Variants in BRAF observed in about 807,000 individuals in gnomAD.
BRAF encodes the protein serine/threonine-protein kinase B-raf.
BRAF carries 16 observed loss-of-function variants against 104.6 expected under a neutral mutation model. The observed-to-expected ratio is 0.15, with a 90% CI of 0.10 to 0.23. BRAF has a LOEUF of 0.23. Among genes scored for constraint, BRAF ranks in the 10% least tolerant of loss-of-function variants. BRAF has a pLI of 1.00. For missense variants in BRAF, 541 were observed against 937.3 expected (o/e 0.58, Z 5.52); for synonymous variants, 310 against 341.6 (o/e 0.91, Z 1.02).
intron 1 of BRAF, among the ~76,000 whole-genome samples, chr7:140,882,933 G>A (rs1338017519): frequency 6.6e-6 from 1 of 151,862 alleles, no homozygotes; most frequent in African/African-American, 2.4e-5. Flanking sequence ...GGCGGAGGCT[G>A]CAGTGAGCCA....
intron 19 of BRAF, chr7:140,731,070 G>A (rs1795921999): frequency 6.6e-6 from 1 of 152,128 alleles, no homozygotes; most frequent in Non-Finnish European, 1.5e-5. Flanking sequence ...AGGCTGGAGT[G>A]CAGTGGCATG....
chr7:140,898,739 T>A (rs892023355), intron 1 of BRAF, among the ~76,000 whole-genome samples: 2 of 152,234 alleles, frequency 1.3e-5, no homozygotes, highest in African/African-American at 4.8e-5. Flanking sequence ...CACTCACTTT[T>A]ATCATCATTA....
chr7:140,804,575 A>G (rs1803467539), intron 5 of BRAF, among the ~76,000 whole-genome samples: 1 of 151,928 alleles, frequency 6.6e-6, no homozygotes, highest in South Asian at 2.1e-4. Flanking sequence ...TGCCCACCTT[A>G]GCCTCCCAAA....
chr7:140,877,821 T>C (rs938111428), intron 1 of BRAF, among the ~76,000 whole-genome samples: 1 of 152,096 alleles, frequency 6.6e-6, no homozygotes, highest in Non-Finnish European at 1.5e-5. Context: ...TCTGAAGATA[T>C]CTTTTATATT....
intron 3 of BRAF, among the ~76,000 whole-genome samples, chr7:140,811,206 CTG>C (rs940658180): frequency 1.3e-5 from 2 of 152,154 alleles, no homozygotes; most frequent in African/African-American, 4.8e-5. Flanking sequence ...AGGAACCTAA[CTG>C]TATTTTAAAT....
At chr7:140,901,884 A>T (rs1297415069) in intron 1 of BRAF, among the ~76,000 whole-genome samples, 1 of 152,152 alleles carries the variant, frequency 6.6e-6, no homozygotes, top group Admixed American at 6.5e-5. Context: ...CTACCACTTA[A>T]CTGTAAGCTC....
At position 140,781,670 on chromosome 7, in the gene BRAF, C is replaced by T. The variant is rs765215499; in HGVS notation, c.1458G>A (p.Ser486=). 15 of 1,613,850 alleles carry T rather than the reference C, an allele frequency of 9.3e-6. No individual in the cohort carries two copies. The highest frequency in any genetic ancestry group is 5.0e-5 in the Admixed American group (3 of 59,976). ...NRMKTLGRRD[S]SDDWEIPDGQ... is the part of the protein sequence containing the mutation. ...CATCAGGAATCTCCCAATCATCACTCGAGTCCCGTCTACCAAGTGTTTTCT... is the reference window on the plus strand; with the variant it reads ...CATCAGGAATCTCCCAATCATCACTTGAGTCCCGTCTACCAAGTGTTTTCT... The change falls in exon 12 of 20, where the codon TCG becomes TCA. Residue 486 remains serine, a synonymous_variant. Coordinates refer to ENST00000644969, the MANE Select transcript of BRAF (RefSeq NM_001374258.1).
intron 1 of BRAF, among the ~76,000 whole-genome samples, chr7:140,890,458 A>G (rs1814093890): frequency 6.6e-6 from 1 of 152,160 alleles, no homozygotes. Flanking sequence ...ACAAATTCCT[A>G]TAGCCCTCAG....
At position 140,721,107 on chromosome 7, in the gene BRAF, A is replaced by G. The variant is rs767575522; in HGVS notation, c.*5387T>C. The stretch of plus-strand genomic sequence containing the variant: ...AAATGCACCTCTAAAAAATGGATAC[A>G]CTGGCTTACATTGGCTGTGTCCTCA... On this transcript the variant is annotated 3_prime_UTR_variant, in exon 20 of 20. Transcript: ENST00000644969. 450 of 1,064,692 alleles carry G rather than the reference A, an allele frequency of 4.2e-4. No individual in the cohort carries two copies. Among genetic ancestry groups the G allele is most frequent in the Non-Finnish European group, 4.8e-4 (426 of 879,036 alleles). 66.0% of individuals were successfully genotyped at this position (1,064,692 alleles called of 1,614,324 possible).
chr7:140,841,636 CA>C (rs1476984789), intron 2 of BRAF, among the ~76,000 whole-genome samples: 1 of 152,098 alleles, frequency 6.6e-6, no homozygotes, highest in Non-Finnish European at 1.5e-5. Flanking sequence ...CAGCCAGTCA[CA>C]AAAGGCCACA....
chr7:140,884,662 G>A (rs1318244714), intron 1 of BRAF, among the ~76,000 whole-genome samples: 4 of 151,624 alleles, frequency 2.6e-5, no homozygotes, highest in Non-Finnish European at 5.9e-5. Flanking sequence ...AAATTTTTTT[G>A]TAGAGATAGG....
intron 1 of BRAF, among the ~76,000 whole-genome samples, chr7:140,912,248 T>C (rs1195092574): frequency 6.6e-6 from 1 of 152,054 alleles, no homozygotes; most frequent in Non-Finnish European, 1.5e-5. Flanking sequence ...ATATCCCCAA[T>C]CCTCATTCTC....
intron 1 of BRAF, among the ~76,000 whole-genome samples, chr7:140,892,240 A>T (rs1427694926): frequency 6.6e-6 from 1 of 151,992 alleles, no homozygotes; most frequent in Non-Finnish European, 1.5e-5. Context: ...TGGGTGAGAG[A>T]GCGAGAATCT....
At chr7:140,754,077 C>T in intron 15 of BRAF, 110 bp downstream of exon 14, 1 of 1,107,402 alleles carries the variant, frequency 9.0e-7, no homozygotes, top group Non-Finnish European at 1.4e-6. Context: ...ATTCTCTTTA[C>T]AGTATATCGA....
rs1795506127 is a variant in BRAF at position 140,724,717 on chromosome 7, A to T, written c.*1777T>A. 9.7e-7 allele frequency: 1 copy of T among 1,032,946 alleles called. No homozygotes were observed. The highest frequency in any genetic ancestry group is 4.6e-5 in the South Asian group (1 of 21,708). The allele number at this position is 1,032,946 out of a possible 1,614,324, so 64.0% of individuals were successfully genotyped here. A position where few individuals can be genotyped will look rare whatever the true frequency, so the allele number is the denominator to read the frequency against. ...TTACAATCTGAAATTTTTAAATAAC[A>T]ATTTCTAATTCCTTGATTTATTCTG... On this transcript the variant is annotated 3_prime_UTR_variant, in exon 20 of 20. Coordinates refer to ENST00000644969, the MANE Select transcript of BRAF (RefSeq NM_001374258.1).
chr7:140,907,847 T>C lies in BRAF; in HGVS notation c.138+16719A>G, dbSNP rs548782605. On this transcript the variant is annotated intron_variant, in intron 1 of 19. Coordinates refer to ENST00000644969, the MANE Select transcript of BRAF (RefSeq NM_001374258.1). ...ACAATCTCCACCTCCCAGGTTCAAG[T>C]GATTCTCCCACCTCAGCCTCCTGAG... 1.1e-4 allele frequency among the ~76,000 whole-genome samples: 16 copies of C among 152,010 alleles called. No individual in the cohort carries two copies. The East Asian group carries it at 1.5e-3, about 15-fold the overall frequency.
intron 3 of BRAF, among the ~76,000 whole-genome samples, chr7:140,810,782 G>A (rs1804178186): frequency 6.6e-6 from 1 of 152,172 alleles, no homozygotes; most frequent in Non-Finnish European, 1.5e-5. Flanking sequence ...GACATGCGCA[G>A]AGCAATGAGA....
At chr7:140,770,221 C>T (rs568320840) in intron 14 of BRAF, among the ~76,000 whole-genome samples, 30 of 152,158 alleles carry the variant, frequency 2.0e-4, no homozygotes, top group Non-Finnish European at 2.8e-4. Flanking sequence ...AAATATTCTT[C>T]GGCCACTTAG....
chr7:140,794,594 T>G (rs545455149), intron 7 of BRAF, 127 bp from the exon 8 acceptor site: 102 of 1,132,084 alleles, frequency 9.0e-5, no homozygotes, highest in Non-Finnish European at 1.3e-4. Context: ...ATTAAAAACC[T>G]AGCAGTAATG....
Sources: gnomAD v4.1 joint callset for allele counts (sites outside exome capture counted in the v4.1 genomes callset) on GRCh38, gnomAD v4.1.1 for gene constraint, MANE v1.5 for transcripts, NCBI Gene and HGNC (gene_info 2026-07-23, HGNC 2026-07-21) for gene names.